The following FANCD2 variants were observed in gnomAD, a reference collection of about 807,000 sequenced individuals.
FANCD2 encodes Fanconi anemia group D2 protein.
In FANCD2, 131 loss-of-function variants were observed where a neutral mutation model predicts 192.3. The observed-to-expected ratio is 0.68, with a 90% CI of 0.59 to 0.79. FANCD2 has a LOEUF of 0.79. Among genes scored for constraint, FANCD2 ranks in the 30% least tolerant of loss-of-function variants. The pLI is 0.00. For synonymous variants in FANCD2, 524 were observed against 612.5 expected (o/e 0.86, Z 2.13); for missense variants, 1,508 against 1,701.6 (o/e 0.89, Z 2.00).
At chr3:10,054,470 T>A (rs2087340565) in intron 18 of FANCD2, among the ~76,000 whole-genome samples, 1 of 28,970 alleles carries the variant, frequency 3.5e-5, no homozygotes, top group Admixed American at 4.2e-4. Context: ...TATATATATA[T>A]ATATTTTTTT....
intron 18 of FANCD2, among the ~76,000 whole-genome samples, chr3:10,056,571 AC>A (rs1321461101): frequency 6.6e-6 from 1 of 152,082 alleles, no homozygotes; most frequent in African/African-American, 2.4e-5. Flanking sequence ...TTATTCTGTT[AC>A]CCAAGCTGCA....
chr3:10,096,927 A>G (rs1329296954), intron 42 of FANCD2, among the ~76,000 whole-genome samples: 4 of 152,014 alleles, frequency 2.6e-5, no homozygotes, highest in East Asian at 3.9e-4. Flanking sequence ...GTTCTTTTCT[A>G]TTTTCCTAAG....
intron 1 of FANCD2, among the ~76,000 whole-genome samples, chr3:10,028,344 A>T (rs1210133455): frequency 1.3e-5 from 2 of 152,176 alleles, no homozygotes; most frequent in African/African-American, 4.8e-5. Flanking sequence ...TACGTTGGGG[A>T]TAGATAATGG....
At chr3:10,101,010 A>G (rs887476693) in intron 43 of FANCD2, among the ~76,000 whole-genome samples, 178 bp from the exon 44 acceptor site, 9 of 152,174 alleles carry the variant, frequency 5.9e-5, no homozygotes, top group Admixed American at 3.9e-4. Context: ...CAGAGGTTGC[A>G]GTGAGCTGAG....
At chr3:10,099,300 G>A (rs769913433) in intron 43 of FANCD2, 36 of 1,236,806 alleles carry the variant, frequency 2.9e-5, no homozygotes, top group Non-Finnish European at 3.3e-5. Flanking sequence ...TGGTACAGAT[G>A]CTTTCGACAA....
At chr3:10,042,702 T>G (rs772113237) in intron 11 of FANCD2, 39 bp downstream of exon 11, 31 of 1,498,612 alleles carry the variant, frequency 2.1e-5, no homozygotes, top group Non-Finnish European at 2.9e-5. Context: ...ATAAAGCAAC[T>G]TAAGTGCCAA....
chr3:10,055,608 C>T (rs271996), intron 18 of FANCD2, among the ~76,000 whole-genome samples: 5 of 152,056 alleles, frequency 3.3e-5, no homozygotes, highest in South Asian at 2.1e-4. Context: ...GTCAGGAGAT[C>T]GAGACCATCC....
chr3:10,086,042 C>T (rs1694178601), intron 33 of FANCD2, 120 bp downstream of exon 33: 2 of 723,350 alleles, frequency 2.8e-6, no homozygotes, highest in East Asian at 2.7e-5. Flanking sequence ...TTATTTTCAG[C>T]TACTCTCCTC....
intron 19 of FANCD2, 150 bp downstream of exon 19, chr3:10,060,553 G>T (rs2087535954): frequency 2.9e-6 from 2 of 698,014 alleles, no homozygotes; most frequent in Admixed American, 4.1e-5. Context: ...CCTTCTAATC[G>T]TGACTGTATA....
chr3:10,038,444 C>T (rs951356865), intron 7 of FANCD2, among the ~76,000 whole-genome samples: 1 of 151,864 alleles, frequency 6.6e-6, no homozygotes, highest in Non-Finnish European at 1.5e-5. Context: ...ATAGGAGGCT[C>T]GAAGGAAGGT....
chr3:10,042,260 G>C (rs2086884982), intron 10 of FANCD2, among the ~76,000 whole-genome samples: 1 of 152,126 alleles, frequency 6.6e-6, no homozygotes. Flanking sequence ...AGTCATACCT[G>C]CTTCCCATAG....
In FANCD2 at chr3:10,088,524, A is replaced by G; in HGVS notation, c.3542A>G (p.Gln1181Arg). 1 of 1,606,250 alleles carries G rather than the reference A, an allele frequency of 6.2e-7. No individual in the cohort carries two copies. Among genetic ancestry groups the G allele is most frequent in the Non-Finnish European group, 8.5e-7 (1 of 1,172,822 alleles). Reference sequence around the variant, plus strand: ...GAGAAGAGCAACATCTCTAATGACCAGCTCCATGCTCTGCTCTGGTGAGAT... The same window carrying G: ...GAGAAGAGCAACATCTCTAATGACCGGCTCCATGCTCTGCTCTGGTGAGAT... Reference protein sequence around the residue: ...DKEKSNISNDQLHALLCIYLE... With the variant: ...DKEKSNISNDRLHALLCIYLE... Residue 1181 changes from glutamine to arginine, a missense_variant, in exon 35 of 44, where the codon CAG becomes CGG. This residue lies in a region of FANCD2 where 796 missense variants were observed against 879.4 expected (regional missense o/e 0.91). Coordinates refer to ENST00000675286, the MANE Select transcript of FANCD2 (RefSeq NM_001018115.3).
Position 10,101,830 on chromosome 3 carries a change from C to CT in FANCD2, c.*569dup, listed in dbSNP as rs1246728570. 1 of 192,750 alleles carries CT rather than the reference C, an allele frequency of 5.2e-6. No individual in the cohort carries two copies. The highest frequency in any genetic ancestry group is 8.3e-5 in the East Asian group (1 of 12,004). The allele number at this position is 192,750 out of a possible 1,614,324, so 11.9% of individuals were successfully genotyped here. ...TGTGCTACACTGCAGAGTAAAATCT[C>CT]TGAGTCATGATTCTGGACTTTGGGA... is the stretch of plus-strand genomic sequence containing the variant. On this transcript the variant is annotated 3_prime_UTR_variant, in exon 44 of 44. Transcript: ENST00000675286.
chr3:10,035,916 G>A (rs544778144), intron 6 of FANCD2, among the ~76,000 whole-genome samples: 4 of 151,846 alleles, frequency 2.6e-5, no homozygotes, highest in African/African-American at 9.7e-5. Flanking sequence ...TTATTTTAAC[G>A]TTGCCTTGAT....
chr3:10,071,316 A>G (rs1384829539), intron 26 of FANCD2, among the ~76,000 whole-genome samples: 1 of 152,052 alleles, frequency 6.6e-6, no homozygotes, highest in Non-Finnish European at 1.5e-5. Flanking sequence ...GAATCACCAT[A>G]TGATCCAGGA....
chr3:10,043,794 C>T, intron 13 of FANCD2, 35 bp from the exon 14 acceptor site: 1 of 1,603,654 alleles, frequency 6.2e-7, no homozygotes, highest in Non-Finnish European at 8.5e-7. Flanking sequence ...GCTGATGTGT[C>T]ATAATATTTT....
chr3:10,058,040 A>T (rs1320884604), intron 18 of FANCD2: 4 of 477,322 alleles, frequency 8.4e-6, no homozygotes, highest in Non-Finnish European at 1.6e-5. Flanking sequence ...AATTCCGGCA[A>T]AGATCATTTT....
rs1271271122 is a variant in FANCD2, at chr3:10,074,679, T to G, written c.2859+6T>G. Reference sequence around the variant, plus strand: ...ATACTGAAATGCACACTGAAGTAAGTGACAGGCTAGGATCTCAGAATTTAA... The same window carrying G: ...ATACTGAAATGCACACTGAAGTAAGGGACAGGCTAGGATCTCAGAATTTAA... On this transcript the variant is annotated splice_donor_region_variant and intron_variant, in intron 29 of 43. Transcript: ENST00000675286. 1 of 1,613,432 alleles carries G rather than the reference T, an allele frequency of 6.2e-7. No individual in the cohort carries two copies. The highest frequency in any genetic ancestry group is 8.5e-7 in the Non-Finnish European group (1 of 1,179,564).
rs35110529 is a variant in FANCD2 at position 10,032,949 on chromosome 3, C to T, written c.182C>T (p.Thr61Met). 393 of 1,588,208 alleles carry T rather than the reference C, an allele frequency of 2.5e-4. 2 individuals are homozygous for T. Among genetic ancestry groups the T allele is most frequent in the Middle Eastern group, 6.7e-4 (4 of 5,988 alleles). Residue 61 changes from threonine to methionine, a missense_variant, in exon 3 of 44, where the codon ACG becomes ATG. Physicochemically the swap from Thr to Met is moderately conservative, Grantham distance 81 (BLOSUM62 -1). Around this residue, in one of 5 missense-constraint regions of FANCD2, gnomAD observed 435 missense variants for 421.9 expected, o/e 1.03. Transcript: ENST00000675286. ...LLKISGIILK[T>M]GESQNQLAVD... ...AAGATATCAGGAATTATTCTTAAAA[C>T]GGGAGAGAGTCAGAATCAACTAGGT...
Sources: gnomAD v4.1 joint callset for allele counts (sites outside exome capture counted in the v4.1 genomes callset) on GRCh38, gnomAD v4.1.1 for gene constraint, gnomAD v4.1.1 regional missense constraint, MANE v1.5 for transcripts, NCBI Gene and HGNC (gene_info 2026-07-23, HGNC 2026-07-21) for gene names.